Variants in OPRM1 observed in about 807,000 individuals in gnomAD.
The protein encoded by OPRM1 is mu-type opioid receptor.
In OPRM1, 27 loss-of-function variants were observed where a neutral mutation model predicts 31.8. The observed-to-expected ratio is 0.85, with a 90% CI of 0.63 to 1.17. OPRM1 has a LOEUF of 1.17. Ranked by LOEUF, OPRM1 falls within the 50% of genes most tolerant of loss-of-function variation. The pLI is 0.00. For synonymous variants in OPRM1, 196 were observed against 189.9 expected (o/e 1.03, Z -0.26); for missense variants, 536 against 511.1 (o/e 1.05, Z -0.47).
At chr6:154,063,756 T>C (rs1206944161) in intron 1 of OPRM1, among the ~76,000 whole-genome samples, 1 of 152,096 alleles carries the variant, frequency 6.6e-6, no homozygotes, top group African/African-American at 2.4e-5. Flanking sequence ...ATATATTATT[T>C]ATCTTTTATA....
In OPRM1 at chr6:154,153,038, A is replaced by G. The variant is rs183901693; in HGVS notation, c.1164+61566A>G. Among the ~76,000 whole-genome samples, 125 of 152,210 alleles carry G rather than the reference A, an allele frequency of 8.2e-4. 2 individuals are homozygous for G. Among genetic ancestry groups the G allele is most frequent in the Admixed American group, 7.9e-3 (120 of 15,282 alleles). On this transcript the variant is annotated intron_variant, in intron 3 of 3. Transcript: ENST00000337049. ...GCAAACATGAGCCACAGCTCCCAGC[A>G]CTTGATTTCTTAAAAGCCAGAAATT...
chr6:154,113,807 C>T (rs1053946568), intron 3 of OPRM1, among the ~76,000 whole-genome samples: 5 of 152,174 alleles, frequency 3.3e-5, no homozygotes, highest in Non-Finnish European at 7.3e-5. Context: ...TGCTGCTTGT[C>T]TCTGATGGAC....
chr6:154,023,232 C>CT (rs150610912), intron 1 of OPRM1, among the ~76,000 whole-genome samples: 13,494 of 152,008 alleles, frequency 0.089, 1,067 homozygotes, highest in African/African-American at 0.21. Flanking sequence ...TCTTTTATTA[C>CT]TTTTTTTATA....
intron 3 of OPRM1, among the ~76,000 whole-genome samples, chr6:154,110,984 C>A (rs1239329926): frequency 6.7e-6 from 1 of 149,948 alleles, no homozygotes; most frequent in Non-Finnish European, 1.5e-5. Context: ...TGTTAGTGGA[C>A]AATAAATGTA....
intron 3 of OPRM1, chr6:154,158,608 G>A (rs1308445669): frequency 1.3e-5 from 2 of 152,122 alleles, no homozygotes; most frequent in African/African-American, 4.8e-5. Flanking sequence ...GAAAAATTAT[G>A]AATGCATGCC....
intron 1 of OPRM1, among the ~76,000 whole-genome samples, chr6:154,061,274 A>C (rs1449265670): frequency 6.6e-6 from 1 of 152,146 alleles, no homozygotes; most frequent in Non-Finnish European, 1.5e-5. Flanking sequence ...AATAATTGCA[A>C]CATTCCTGTC....
intron 3 of OPRM1, among the ~76,000 whole-genome samples, chr6:154,182,343 A>G (rs1432311160): frequency 1.3e-5 from 2 of 152,148 alleles, no homozygotes; most frequent in Admixed American, 1.3e-4. Context: ...GAACAATCCT[A>G]GTCTATTGGG....
At chr6:154,045,930 T>C (rs1226859377) in intron 1 of OPRM1, among the ~76,000 whole-genome samples, 2 of 152,182 alleles carry the variant, frequency 1.3e-5, no homozygotes, top group East Asian at 3.8e-4. Context: ...CCGCCCACAT[T>C]GTGACCGTCT....
At chr6:154,208,654 C>T (rs1777706491) in intron 3 of OPRM1, among the ~76,000 whole-genome samples, 1 of 152,148 alleles carries the variant, frequency 6.6e-6, no homozygotes, top group African/African-American at 2.4e-5. Context: ...GAAGCATAGA[C>T]CAGGTTATCT....
chr6:154,087,432 T>G (rs1197806220), intron 1 of OPRM1: 1 of 985,318 alleles, frequency 1.0e-6, no homozygotes. Flanking sequence ...TAAAAGGAAT[T>G]GATGGCACCG....
At chr6:154,038,258 G>T (rs1437238789), upstream of OPRM1, among the ~76,000 whole-genome samples, 2 of 151,946 alleles carry the variant, frequency 1.3e-5, no homozygotes, top group Non-Finnish European at 2.9e-5. Context: ...ATGGTTAAAA[G>T]ATATGTACAT....
chr6:154,019,727 GCTTT>G (rs1334628421), intron 1 of OPRM1, among the ~76,000 whole-genome samples: 1 of 144,630 alleles, frequency 6.9e-6, no homozygotes, highest in African/African-American at 2.7e-5. Context: ...TAGCTTAGTG[GCTTT>G]CTTTTCTTTT....
At chr6:154,133,349 C>A (rs959729902), downstream of OPRM1, among the ~76,000 whole-genome samples, 6 of 152,144 alleles carry the variant, frequency 3.9e-5, no homozygotes, top group Admixed American at 1.3e-4. Context: ...TATTACCTAA[C>A]GATTAAAGTC....
At chr6:154,154,456 A>G (rs940697948) in intron 3 of OPRM1, 8 of 152,216 alleles carry the variant, frequency 5.3e-5, no homozygotes, top group Non-Finnish European at 2.9e-5. Flanking sequence ...GTAACTTGAG[A>G]ACCACTGGAA....
chr6:154,223,704 T>C (rs1461928014), intron 3 of OPRM1, among the ~76,000 whole-genome samples: 1 of 152,240 alleles, frequency 6.6e-6, no homozygotes, highest in Non-Finnish European at 1.5e-5. Flanking sequence ...TACATTCCTA[T>C]CATGGATTGA....
At chr6:154,079,927 G>A (rs1301694172) in intron 1 of OPRM1, among the ~76,000 whole-genome samples, 2 of 152,100 alleles carry the variant, frequency 1.3e-5, no homozygotes, top group Non-Finnish European at 2.9e-5. Context: ...CCTCTGTAAT[G>A]CTTTCTTAAA....
chr6:154,224,710 T>TA (rs143493705), intron 3 of OPRM1, among the ~76,000 whole-genome samples: 10 of 151,440 alleles, frequency 6.6e-5, no homozygotes, highest in African/African-American at 2.4e-4. Flanking sequence ...GACTCTGTCT[T>TA]AAAAAAAACA....
At chr6:154,232,433 C>CT (rs1206025535) in intron 3 of OPRM1, among the ~76,000 whole-genome samples, 1 of 152,062 alleles carries the variant, frequency 6.6e-6, no homozygotes, top group African/African-American at 2.4e-5. Context: ...TGATCACAGC[C>CT]TTAAGAGGAA....
intron 3 of OPRM1, chr6:154,199,865 G>C (rs765934464): frequency 1.2e-6 from 2 of 1,614,174 alleles, no homozygotes; most frequent in East Asian, 2.2e-5. Context: ...AAACGTTATT[G>C]GTTGTCCCTC....
Sources: gnomAD v4.1 joint callset for allele counts (sites outside exome capture counted in the v4.1 genomes callset) on GRCh38, gnomAD v4.1.1 for gene constraint, MANE v1.5 for transcripts, NCBI Gene and HGNC (gene_info 2026-07-23, HGNC 2026-07-21) for gene names.